FBLN2: variants seen among roughly 807,000 people sequenced by gnomAD.
FBLN2 encodes the protein fibulin-2.
FBLN2 carries 81 observed loss-of-function variants against 123.7 expected under a neutral mutation model. That is an observed-to-expected ratio of 0.65 (90% CI 0.55 to 0.79). FBLN2 has a LOEUF of 0.79. Among genes scored for constraint, FBLN2 ranks in the 30% least tolerant of loss-of-function variants. FBLN2 has a pLI of 0.00. For synonymous variants in FBLN2, 699 were observed against 701.4 expected (o/e 1.00, Z 0.05); for missense variants, 1,603 against 1,681.3 (o/e 0.95, Z 0.81).
chr3:13,623,934 G>A (rs769569652), intron 9 of FBLN2, among the ~76,000 whole-genome samples: 62 of 152,354 alleles, frequency 4.1e-4, no homozygotes, highest in Middle Eastern at 6.8e-3. Flanking sequence ...CCCATCACTG[G>A]AGGTATGTAA....
At chr3:13,577,520 T>A (rs184901568) in intron 2 of FBLN2, among the ~76,000 whole-genome samples, 22 of 152,268 alleles carry the variant, frequency 1.4e-4, no homozygotes, top group African/African-American at 5.3e-4. Flanking sequence ...AGGTGAGAGC[T>A]ACAGCAGGGT....
intron 16 of FBLN2, among the ~76,000 whole-genome samples, chr3:13,633,547 A>G (rs1706336111): frequency 6.6e-6 from 1 of 152,196 alleles, no homozygotes; most frequent in Non-Finnish European, 1.5e-5. Context: ...CCATGTAGCC[A>G]CTTCTGCAGC....
At chr3:13,609,692 G>A in intron 4 of FBLN2, 50 bp downstream of exon 4, 2 of 508,394 alleles carry the variant, frequency 3.9e-6, no homozygotes, top group Non-Finnish European at 7.5e-6. Context: ...GGCGGGGCGG[G>A]AGGCTGGCCT....
chr3:13,555,074 T>C (rs1381628106), intron 1 of FBLN2, among the ~76,000 whole-genome samples: 5 of 151,622 alleles, frequency 3.3e-5, no homozygotes, highest in Non-Finnish European at 7.4e-5. Context: ...TGCCTCAGCC[T>C]CCCGAGTAGC....
At chr3:13,608,445 G>A (rs1705280641) in intron 3 of FBLN2, among the ~76,000 whole-genome samples, 1 of 152,250 alleles carries the variant, frequency 6.6e-6, no homozygotes. Flanking sequence ...TTTGAAACAA[G>A]TTTTAAAGGA....
chr3:13,628,906 C>T lies in FBLN2; in HGVS notation c.2571C>T (p.Asp857=), dbSNP rs753983733. Residue 857 remains aspartate, a splice_region_variant and synonymous_variant, in exon 12 of 18, where the codon GAC becomes GAT. Coordinates refer to ENST00000404922, the MANE Select transcript of FBLN2 (RefSeq NM_001004019.2). ...TGTCACCTACACCTGCCTCTGCAGA[C>T]ATCAACGAGTGCACGTCACTGTCCG... ...FLQDPEGNCV[D]INECTSLSEP... 6.2e-7 allele frequency: 1 copy of T among 1,612,692 alleles called. No homozygotes were observed. The highest frequency in any genetic ancestry group is 8.5e-7 in the Non-Finnish European group (1 of 1,179,428).
At chr3:13,617,713 A>T (rs1442154515) in intron 5 of FBLN2, among the ~76,000 whole-genome samples, 1 of 53,956 alleles carries the variant, frequency 1.9e-5, no homozygotes, top group Non-Finnish European at 3.3e-5. Context: ...CCATCCATCC[A>T]TCCATCCATT....
Position 13,623,835 on chromosome 3 carries a change from G to A in FBLN2, c.2296+1920G>A, listed in dbSNP as rs141695852. On this transcript the variant is annotated intron_variant, in intron 9 of 17. Coordinates refer to ENST00000404922, the MANE Select transcript of FBLN2 (RefSeq NM_001004019.2). Reference sequence around the variant, plus strand: ...GTCATTGTGGGGATTAAATGAATTAGTCCATTTAAAGAAGTTGCTACTCTT... The same window carrying A: ...GTCATTGTGGGGATTAAATGAATTAATCCATTTAAAGAAGTTGCTACTCTT... Among the ~76,000 whole-genome samples, 31 of 152,340 alleles carry A rather than the reference G, an allele frequency of 2.0e-4. No homozygotes were observed. In the East Asian group the frequency reaches 5.2e-3, roughly 26 times the overall value.
rs190248345 is a variant in FBLN2, at chr3:13,619,286, C to T, written c.2053+269C>T. 1.9e-3 allele frequency among the ~76,000 whole-genome samples: 286 copies of T among 152,296 alleles called. 1 individual carries two copies. Among genetic ancestry groups the T allele is most frequent in the African/African-American group, 6.5e-3 (270 of 41,560 alleles). The stretch of plus-strand genomic sequence containing the variant: ...CTGCTTTTTGTCTCCATTCTTGTAA[C>T]GTTGAGGTAGTCAAATCCTGGTTTG... On this transcript the variant is annotated intron_variant, in intron 7 of 17. Coordinates refer to ENST00000404922, the MANE Select transcript of FBLN2 (RefSeq NM_001004019.2).
chr3:13,584,844 C>G (rs911196589), intron 2 of FBLN2, among the ~76,000 whole-genome samples: 1 of 152,246 alleles, frequency 6.6e-6, no homozygotes, highest in African/African-American at 2.4e-5. Context: ...TCCTCACATG[C>G]TCACACGGGA....
intron 2 of FBLN2, among the ~76,000 whole-genome samples, chr3:13,583,421 G>T (rs1244309710): frequency 6.6e-6 from 1 of 152,202 alleles, no homozygotes; most frequent in African/African-American, 2.4e-5. Context: ...CCCTGACTTG[G>T]CCCCCTGCAC....
At chr3:13,618,881 C>T (rs745850310) in intron 6 of FBLN2, 23 bp from the exon 7 acceptor site, 3 of 1,590,756 alleles carry the variant, frequency 1.9e-6, no homozygotes, top group South Asian at 2.3e-5. Context: ...CCTGCAACCC[C>T]CACTCTGCTC....
At chr3:13,602,689 T>A (rs1373087618) in intron 2 of FBLN2, among the ~76,000 whole-genome samples, 1 of 152,228 alleles carries the variant, frequency 6.6e-6, no homozygotes, top group Non-Finnish European at 1.5e-5. Flanking sequence ...TATTAACTTT[T>A]CTATTTAATT....
intron 9 of FBLN2, among the ~76,000 whole-genome samples, chr3:13,624,426 C>G (rs6795255): frequency 0.68 from 103,720 of 152,082 alleles, 35,870 homozygotes; most frequent in East Asian, 0.98. Context: ...GTAAGTCCAG[C>G]CTGTAAATCA....
chr3:13,635,761 C>G (rs1185564137), intron 16 of FBLN2, among the ~76,000 whole-genome samples: 1 of 152,124 alleles, frequency 6.6e-6, no homozygotes, highest in Non-Finnish European at 1.5e-5. Context: ...CCACTGGGCA[C>G]TGGGGACAGC....
chr3:13,604,401 A>G (rs12630810), intron 2 of FBLN2, among the ~76,000 whole-genome samples: 20,948 of 151,964 alleles, frequency 0.14, 2,448 homozygotes, highest in African/African-American at 0.31. Flanking sequence ...ATCTTGAATT[A>G]ATTTTTGTGT....
chr3:13,559,981 C>T (rs1703563198), intron 1 of FBLN2, among the ~76,000 whole-genome samples: 2 of 152,144 alleles, frequency 1.3e-5, no homozygotes, highest in South Asian at 2.1e-4. Context: ...TCAGCCTTGG[C>T]CGTGGGCAGC....
chr3:13,603,533 A>G (rs1705109596), intron 2 of FBLN2, among the ~76,000 whole-genome samples: 1 of 152,052 alleles, frequency 6.6e-6, no homozygotes, highest in Non-Finnish European at 1.5e-5. Context: ...GATGGTTTCC[A>G]GCTTCATCCA....
intron 1 of FBLN2, among the ~76,000 whole-genome samples, chr3:13,569,533 G>A (rs754405768): frequency 6.6e-6 from 1 of 151,882 alleles, no homozygotes; most frequent in African/African-American, 2.4e-5. Context: ...GACAGATTGC[G>A]GGGAGAATGG....
Sources: gnomAD v4.1 joint callset for allele counts (sites outside exome capture counted in the v4.1 genomes callset) on GRCh38, gnomAD v4.1.1 for gene constraint, MANE v1.5 for transcripts, NCBI Gene and HGNC (gene_info 2026-07-23, HGNC 2026-07-21) for gene names.